Variants in LINGO2 observed in about 807,000 individuals in gnomAD.
The protein encoded by LINGO2 is leucine rich repeat and Ig domain containing 2.
LINGO2 carries 14 observed loss-of-function variants against 30.6 expected under a neutral mutation model. The observed-to-expected ratio is 0.46, with a 90% CI of 0.30 to 0.72. The LOEUF (loss-of-function observed/expected upper bound fraction) is 0.72. Ranked by LOEUF, LINGO2 falls within the 30% of genes least tolerant of loss-of-function variation. The probability of loss-of-function intolerance (pLI) is 0.07; values close to 1 mark genes in which losing one functional copy is unlikely to be tolerated. For synonymous variants in LINGO2, 317 were observed against 288.5 expected (o/e 1.10, Z -1.00); for missense variants, 729 against 751.7 (o/e 0.97, Z 0.35).
intron 4 of LINGO2, among the ~76,000 whole-genome samples, chr9:28,228,042 G>A (rs1025812654): frequency 2.0e-5 from 3 of 151,998 alleles, no homozygotes; most frequent in Non-Finnish European, 4.4e-5. Context: ...GATGATAGGA[G>A]CTTAATACAT....
At chr9:29,025,801 C>T in the LINGO2 span, among the ~76,000 whole-genome samples, 1 of 152,110 alleles carries the variant, frequency 6.6e-6, no homozygotes, top group African/African-American at 2.4e-5. Flanking sequence ...AACATCTCCC[C>T]CCTCTACCCT....
the LINGO2 span, among the ~76,000 whole-genome samples, chr9:28,941,584 T>C: frequency 6.6e-6 from 1 of 152,172 alleles, no homozygotes. Context: ...ACTTTGCCTT[T>C]TACATTAGAA....
chr9:28,552,764 T>A (rs182217968), intron 1 of LINGO2, among the ~76,000 whole-genome samples: 83 of 151,804 alleles, frequency 5.5e-4, no homozygotes, highest in Admixed American at 1.4e-3. Flanking sequence ...TTATTTCTAT[T>A]CTTATTTTTT....
chr9:28,259,862 C>A (rs982250811), intron 4 of LINGO2, among the ~76,000 whole-genome samples: 25 of 151,986 alleles, frequency 1.6e-4, no homozygotes, highest in Middle Eastern at 3.4e-3. Flanking sequence ...AGAGCAGGAT[C>A]CTCCCTTTCC....
the LINGO2 span, among the ~76,000 whole-genome samples, chr9:28,880,759 T>G: frequency 6.6e-6 from 1 of 152,166 alleles, no homozygotes; most frequent in South Asian, 2.1e-4. Context: ...AAAACCCGAT[T>G]GTACATTTGT....
chr9:28,941,105 A>G, the LINGO2 span, among the ~76,000 whole-genome samples: 11 of 152,260 alleles, frequency 7.2e-5, no homozygotes, highest in Admixed American at 3.9e-4. Context: ...TAAAATAAGC[A>G]GATACAGTAC....
chr9:29,101,905 T>A, the LINGO2 span, among the ~76,000 whole-genome samples: 2 of 152,232 alleles, frequency 1.3e-5, no homozygotes. Context: ...GACAAAATGG[T>A]ATATGTGAAG....
At chr9:29,087,815 C>G in the LINGO2 span, among the ~76,000 whole-genome samples, 1 of 151,952 alleles carries the variant, frequency 6.6e-6, no homozygotes, top group Non-Finnish European at 1.5e-5. Context: ...GGTTTATATC[C>G]CAGCTCTAGA....
intron 2 of LINGO2, among the ~76,000 whole-genome samples, chr9:28,440,637 C>T (rs1824154168): frequency 6.6e-6 from 1 of 152,048 alleles, no homozygotes; most frequent in Non-Finnish European, 1.5e-5. Context: ...AGTAATTTAC[C>T]TTTGGATTTA....
the LINGO2 span, among the ~76,000 whole-genome samples, chr9:28,887,250 T>C: frequency 6.6e-6 from 1 of 152,240 alleles, no homozygotes; most frequent in Non-Finnish European, 1.5e-5. Flanking sequence ...GTTATTGATC[T>C]ACATGTGGGA....
intron 1 of LINGO2, among the ~76,000 whole-genome samples, chr9:28,510,856 G>A (rs779831985): frequency 6.6e-6 from 1 of 152,144 alleles, no homozygotes; most frequent in Non-Finnish European, 1.5e-5. Flanking sequence ...TTGTCTGCAA[G>A]TTGAGGAGCA....
the LINGO2 span, among the ~76,000 whole-genome samples, chr9:28,706,131 G>T: frequency 1.3e-5 from 2 of 152,008 alleles, no homozygotes; most frequent in African/African-American, 4.8e-5. Context: ...TATATTCAGG[G>T]CTTTGAAGAT....
intron 4 of LINGO2, among the ~76,000 whole-genome samples, chr9:28,066,477 G>A (rs969013297): frequency 2.6e-5 from 4 of 152,094 alleles, no homozygotes; most frequent in African/African-American, 4.8e-5. Context: ...TCCTGAAGAT[G>A]TATCATGATC....
Position 28,049,967 on chromosome 9 carries a change from A to T in LINGO2, c.-86-37562T>A, listed in dbSNP as rs544315739. Among the ~76,000 whole-genome samples, 34 of 150,990 alleles carry T rather than the reference A, an allele frequency of 2.3e-4. 1 individual carries two copies. The highest frequency in any genetic ancestry group is 8.1e-4 in the African/African-American group (33 of 40,926). Reference sequence around the variant, plus strand: ...TGGATTTGATGGGGCCAAGCCTGGCAGCAAGGTCAGTTTGTGGGCTGTTTT... The same window carrying T: ...TGGATTTGATGGGGCCAAGCCTGGCTGCAAGGTCAGTTTGTGGGCTGTTTT... On this transcript the variant is annotated intron_variant, in intron 4 of 5. Coordinates refer to ENST00000379992, the Ensembl canonical transcript of LINGO2.
chr9:29,095,551 T>A, the LINGO2 span, among the ~76,000 whole-genome samples: 4 of 138,766 alleles, frequency 2.9e-5, 1 homozygote, highest in Admixed American at 1.5e-4. Context: ...ACTGAACCAA[T>A]ATTTTGAAAG....
the LINGO2 span, among the ~76,000 whole-genome samples, chr9:28,972,785 G>A: frequency 1.3e-5 from 2 of 152,126 alleles, no homozygotes; most frequent in Non-Finnish European, 2.9e-5. Flanking sequence ...CATGGTGGCA[G>A]GCAAGAAAGC....
intron 2 of LINGO2, among the ~76,000 whole-genome samples, chr9:28,466,261 C>T (rs1180298899): frequency 6.6e-6 from 1 of 152,176 alleles, no homozygotes; most frequent in Non-Finnish European, 1.5e-5. Flanking sequence ...GGTACATATA[C>T]ACAGTGAAGT....
the LINGO2 span, among the ~76,000 whole-genome samples, chr9:28,744,173 T>A: frequency 2.0e-5 from 3 of 151,798 alleles, no homozygotes; most frequent in African/African-American, 7.3e-5. Context: ...TTTTTAATAC[T>A]TTATCTTTGG....
intron 2 of LINGO2, among the ~76,000 whole-genome samples, chr9:28,442,185 TA>T (rs539236707): frequency 6.1e-4 from 93 of 152,248 alleles, no homozygotes; most frequent in Non-Finnish European, 1.2e-3. Context: ...CTGGTCAGCT[TA>T]CTTTTCATTT....
Sources: allele counts gnomAD v4.1 joint callset (sites outside exome capture counted in the v4.1 genomes callset), GRCh38; gene constraint gnomAD v4.1.1; transcripts MANE v1.5; gene names NCBI Gene and HGNC (gene_info 2026-07-23, HGNC 2026-07-21).